The following RNF128 variants were observed in gnomAD, a reference collection of about 807,000 sequenced individuals.
The protein encoded by RNF128 is E3 ubiquitin-protein ligase RNF128.
Under a neutral mutation model 26.2 loss-of-function variants are expected in RNF128, and 13 were observed. The ratio of observed to expected loss-of-function variants is 0.50; its 90% CI spans 0.32 to 0.79. The LOEUF (loss-of-function observed/expected upper bound fraction) is 0.79. Among genes scored for constraint, RNF128 ranks in the 30% least tolerant of loss-of-function variants. The pLI, the probability that RNF128 is intolerant of heterozygous loss-of-function variation, is 0.03. For missense variants in RNF128, 315 were observed against 349.7 expected (o/e 0.90, Z 0.79); for synonymous variants, 149 against 142.5 (o/e 1.05, Z -0.32).
intron 1 of RNF128, among the ~76,000 whole-genome samples, chrX:106,756,568 C>A (rs1289511096): frequency 9.1e-6 from 1 of 109,485 alleles, no homozygotes; most frequent in Non-Finnish European, 1.9e-5. Context: ...CTTCCTTACA[C>A]CTTATACAAA....
chrX:106,763,804 C>T (rs771360743), intron 1 of RNF128, among the ~76,000 whole-genome samples: 1 of 112,291 alleles, frequency 8.9e-6, no homozygotes, highest in East Asian at 2.8e-4. Context: ...CCACCACGCC[C>T]GGCCAATTCA....
At chrX:106,723,466 C>T (rs1369136221), upstream of RNF128, among the ~76,000 whole-genome samples, 7 of 110,770 alleles carry the variant, frequency 6.3e-5, no homozygotes, top group East Asian at 2.0e-3. Context: ...ACTTGGGAGG[C>T]TGAGGCAGGA....
At chrX:106,778,247 G>T (rs1216299185) in intron 2 of RNF128, among the ~76,000 whole-genome samples, 3 of 111,467 alleles carry the variant, frequency 2.7e-5, no homozygotes, top group Non-Finnish European at 5.6e-5. Context: ...GTAGTACACT[G>T]TTTATAAATA....
At chrX:106,745,865 C>T (rs972212075) in intron 1 of RNF128, among the ~76,000 whole-genome samples, 1 of 110,583 alleles carries the variant, frequency 9.0e-6, no homozygotes, top group Non-Finnish European at 1.9e-5. Context: ...AAAATCACTA[C>T]TTAGGATTCT....
intron 1 of RNF128, among the ~76,000 whole-genome samples, chrX:106,756,075 A>C (rs1385062025): frequency 9.1e-6 from 1 of 110,374 alleles, no homozygotes; most frequent in Non-Finnish European, 1.9e-5. Flanking sequence ...CACTGCTCAA[A>C]GAAATAAAAG....
intron 2 of RNF128, among the ~76,000 whole-genome samples, chrX:106,774,602 A>G (rs1289868333): frequency 8.9e-6 from 1 of 111,790 alleles, no homozygotes; most frequent in African/African-American, 3.2e-5. Context: ...CTATCAGCAA[A>G]TCCTATTATT....
chrX:106,746,844 A>G lies in RNF128; in HGVS notation c.484+19447A>G, dbSNP rs181430383. 2.3e-4 allele frequency among the ~76,000 whole-genome samples: 26 copies of G among 111,760 alleles called. No homozygotes were observed. In the East Asian group the frequency reaches 5.6e-3, roughly 24 times the overall value. On this transcript the variant is annotated intron_variant, in intron 1 of 6. Transcript: ENST00000255499. ...ACTTTAGATAGCAGAATGAAAATGCATGAAACTCTAGCCATGTCTCGTTAT... is the reference window on the plus strand; with the variant it reads ...ACTTTAGATAGCAGAATGAAAATGCGTGAAACTCTAGCCATGTCTCGTTAT...
rs1339009340 is a variant in RNF128, at chrX:106,796,833, T to C, written c.*1120T>C. The C allele has an allele frequency of 4.5e-5, 5 of 112,056 alleles. No individual in the cohort carries two copies. Among genetic ancestry groups the C allele is most frequent in the African/African-American group, 1.6e-4 (5 of 30,769 alleles). The allele number at this position is 112,056 out of a possible 1,213,427, so 9.2% of individuals were successfully genotyped here. The stretch of plus-strand genomic sequence containing the variant: ...TTTTGTTTTAGAATTTTGTTCAAAT[T>C]ATAGCAGAATTTAGGCAAAAATAAA... On this transcript the variant is annotated 3_prime_UTR_variant, in exon 7 of 7. Coordinates refer to ENST00000255499, the MANE Select transcript of RNF128 (RefSeq NM_194463.2).
chrX:106,698,547 G>A (rs1928907124), intron 1 of RNF128, among the ~76,000 whole-genome samples: 1 of 111,734 alleles, frequency 8.9e-6, no homozygotes. Context: ...ACTCAGATAT[G>A]TACATAAAGA....
chrX:106,783,087 G>A (rs757491601), intron 2 of RNF128, among the ~76,000 whole-genome samples: 1 of 111,781 alleles, frequency 8.9e-6, no homozygotes, highest in African/African-American at 3.3e-5. Flanking sequence ...TTAGGGTCTA[G>A]GCCTTCCTAT....
At chrX:106,746,373 A>G (rs2147678535) in intron 1 of RNF128, among the ~76,000 whole-genome samples, 1 of 111,391 alleles carries the variant, frequency 9.0e-6, no homozygotes, top group East Asian at 2.8e-4. Context: ...TTTAGAATTT[A>G]TTTTACATTT....
At chrX:106,787,517 G>A (rs1042160097) in intron 3 of RNF128, among the ~76,000 whole-genome samples, 2 of 110,958 alleles carry the variant, frequency 1.8e-5, no homozygotes, top group African/African-American at 3.3e-5. Flanking sequence ...TTGTGATAAG[G>A]ATTAAGTGAC....
At chrX:106,719,040 G>T (rs1282896606) in intron 1 of RNF128, among the ~76,000 whole-genome samples, 1 of 112,156 alleles carries the variant, frequency 8.9e-6, no homozygotes, top group African/African-American at 3.2e-5. Context: ...ACTCATGAAG[G>T]CTTTAACTTC....
At chrX:106,713,019 T>C (rs1269504055) in intron 1 of RNF128, among the ~76,000 whole-genome samples, 1 of 107,715 alleles carries the variant, frequency 9.3e-6, no homozygotes, top group Non-Finnish European at 1.9e-5. Flanking sequence ...TAGCTGGGAC[T>C]GCAGGTATCC....
At chrX:106,765,980 G>A (rs1219903983) in intron 1 of RNF128, among the ~76,000 whole-genome samples, 2 of 105,118 alleles carry the variant, frequency 1.9e-5, no homozygotes, top group Admixed American at 1.1e-4. Context: ...TTGGTTTTCT[G>A]TCTTGGTGAT....
chrX:106,709,020 G>A (rs1413212119), intron 1 of RNF128, among the ~76,000 whole-genome samples: 1 of 111,266 alleles, frequency 9.0e-6, no homozygotes, highest in Admixed American at 9.5e-5. Context: ...CTTATATACA[G>A]TATGAATTTT....
chrX:106,703,151 A>T (rs1928987858), intron 1 of RNF128, among the ~76,000 whole-genome samples: 1 of 111,999 alleles, frequency 8.9e-6, no homozygotes, highest in East Asian at 2.8e-4. Flanking sequence ...GGAAAGAACA[A>T]AGAGAAATGA....
At chrX:106,704,707 AGAG>A (rs1187573619) in intron 1 of RNF128, among the ~76,000 whole-genome samples, 2 of 111,510 alleles carry the variant, frequency 1.8e-5, no homozygotes, top group Non-Finnish European at 3.8e-5. Flanking sequence ...AACTTTTAGG[AGAG>A]GAGAAGTAGA....
intron 1 of RNF128, among the ~76,000 whole-genome samples, chrX:106,754,978 G>T (rs1929974381): frequency 9.0e-6 from 1 of 111,067 alleles, no homozygotes; most frequent in Non-Finnish European, 1.9e-5. Flanking sequence ...TCAATGACAT[G>T]AAAAGTTGTT....
Sources: gnomAD v4.1 joint callset for allele counts (sites outside exome capture counted in the v4.1 genomes callset) on GRCh38, gnomAD v4.1.1 for gene constraint, MANE v1.5 for transcripts, NCBI Gene and HGNC (gene_info 2026-07-23, HGNC 2026-07-21) for gene names.